The following DCN variants were observed in gnomAD, a reference collection of about 807,000 sequenced individuals.
DCN encodes the protein bone proteoglycan II.
In DCN, 17 loss-of-function variants were observed where a neutral mutation model predicts 36.5. The observed-to-expected ratio is 0.47, with a 90% CI of 0.32 to 0.70. The LOEUF (loss-of-function observed/expected upper bound fraction) is 0.70, where lower values mean the gene tolerates loss of function less well. DCN is among the 30% of genes least tolerant of loss of function. The pLI, the probability that DCN is intolerant of heterozygous loss-of-function variation, is 0.04. For synonymous variants in DCN, 163 were observed against 161.4 expected, an observed-to-expected ratio of 1.01 and a Z score of -0.07; for missense variants, 389 against 430.1, an observed-to-expected ratio of 0.90 and a Z score of 0.84.
intron 2 of DCN, among the ~76,000 whole-genome samples, chr12:91,171,220 T>G (rs1372525214): frequency 6.6e-6 from 1 of 152,186 alleles, no homozygotes; most frequent in East Asian, 1.9e-4. Context: ...TTAATTTAAT[T>G]ATAATTATTT....
intron 2 of DCN, 116 bp from the exon 3 acceptor site, chr12:91,164,833 C>A: frequency 3.0e-6 from 2 of 677,180 alleles, no homozygotes; most frequent in South Asian, 1.7e-5. Context: ...ACAGTAACAA[C>A]ATATTTTTCT....
In DCN at chr12:91,155,615, GATCTATCTATCTATCT is replaced by G. The variant is rs3990009; in HGVS notation, c.652+1444_652+1459del. Among the ~76,000 whole-genome samples the G allele has an allele frequency of 4.7e-5, 7 of 150,242 alleles. 1 individual carries two copies. The highest frequency in any genetic ancestry group is 4.2e-4 in the South Asian group (2 of 4,738). ...TAAATTTCAGCAAGAATTTTAATAA[GATCTATCTATCTATCT>G]ATCTATCTATCTATCTATCTATATC... On this transcript the variant is annotated intron_variant, in intron 5 of 7. Coordinates refer to ENST00000052754, the MANE Select transcript of DCN (RefSeq NM_001920.5).
At chr12:91,150,026 C>A (rs1881303468) in intron 7 of DCN, among the ~76,000 whole-genome samples, 1 of 151,912 alleles carries the variant, frequency 6.6e-6, no homozygotes, top group Non-Finnish European at 1.5e-5. Context: ...CAAAGCCTTA[C>A]AAGAATATTT....
In DCN at chr12:91,141,095, A is replaced by G. The variant is rs1880741310; in HGVS notation, c.*4963T>C. The G allele has an allele frequency of 6.6e-6, 1 of 152,178 alleles. No homozygotes were observed. Among genetic ancestry groups the G allele is most frequent in the African/African-American group, 2.4e-5 (1 of 41,430 alleles). 9.4% of individuals were successfully genotyped at this position (152,178 alleles called of 1,614,324 possible). On this transcript the variant is annotated 3_prime_UTR_variant, in exon 8 of 8. Transcript: ENST00000052754. ...GCCTATTCCTGTTACCTTACAGTCT[A>G]TACACGCAAAGGGATCCTCTCAAAG...
chr12:91,180,562 C>T (rs1298519173), intron 1 of DCN: 1 of 152,140 alleles, frequency 6.6e-6, no homozygotes, highest in Non-Finnish European at 1.5e-5. Flanking sequence ...GTGTCTAAGG[C>T]AGCACATGTT....
intron 7 of DCN, among the ~76,000 whole-genome samples, chr12:91,148,800 A>AGGCTTTGTTTTTGT (rs1299889603): frequency 6.6e-6 from 1 of 151,748 alleles, no homozygotes; most frequent in African/African-American, 2.4e-5. Context: ...GTGCTGGTGA[A>AGGCTTTGTTTTTGT]AACGGCTTTG....
intron 7 of DCN, among the ~76,000 whole-genome samples, chr12:91,150,374 T>C (rs930732013): frequency 6.6e-6 from 1 of 152,192 alleles, no homozygotes; most frequent in Non-Finnish European, 1.5e-5. Context: ...TAGACTCATA[T>C]CATATACTAG....
In DCN at chr12:91,146,083, G is replaced by A. The variant is rs1219814213; in HGVS notation, c.1055C>T (p.Ala352Val). 3.1e-6 allele frequency: 5 copies of A among 1,613,916 alleles called. No homozygotes were observed. The highest frequency in any genetic ancestry group is 4.2e-6 in the Non-Finnish European group (5 of 1,179,880). ...STFRCVYVRS[A>V]IQLGNYK ...TTACTTATAGTTTCCGAGTTGAATG[G>A]CAGAGCGCACGTAGACACATCTGAA... Residue 352 changes from alanine (A) to valine (V), a missense_variant, in exon 8 of 8, where the codon GCC becomes GTC. By Grantham distance (64) the Ala-to-Val change is moderately conservative. Coordinates refer to ENST00000052754, the MANE Select transcript of DCN (RefSeq NM_001920.5).
chr12:91,153,580 G>T (rs1881574646), intron 5 of DCN, among the ~76,000 whole-genome samples: 1 of 152,044 alleles, frequency 6.6e-6, no homozygotes, highest in Non-Finnish European at 1.5e-5. Context: ...CCATAATGAA[G>T]AGATTACGTA....
chr12:91,168,347 A>C (rs745722669), intron 2 of DCN, among the ~76,000 whole-genome samples: 4 of 152,148 alleles, frequency 2.6e-5, no homozygotes, highest in Non-Finnish European at 5.9e-5. Context: ...ATTCATGCTG[A>C]CCACCCCTGT....
intron 6 of DCN, among the ~76,000 whole-genome samples, chr12:91,152,869 A>T (rs371248985): frequency 5.9e-5 from 9 of 152,280 alleles, no homozygotes; most frequent in East Asian, 5.8e-4. Flanking sequence ...ACAGTATAGT[A>T]TTAATAAAAT....
chr12:91,151,704 T>G lies in DCN; in HGVS notation c.835A>C (p.Asn279His). 6.2e-7 allele frequency: 1 copy of G among 1,614,104 alleles called. No homozygotes were observed. The highest frequency in any genetic ancestry group is 8.5e-7 in the Non-Finnish European group (1 of 1,179,976). The change falls in exon 7 of 8, where the codon AAC becomes CAC. Residue 279 changes from asparagine (N) to histidine (H), a missense_variant. Asn to His is a moderately conservative substitution (Grantham distance 68, BLOSUM62 1). Coordinates refer to ENST00000052754, the MANE Select transcript of DCN (RefSeq NM_001920.5). ...CCACCAGGTACTCTGGTAAGCTTGT[T>G]GTTGTCCAAGTGAAGCTCCCTCAGA... ...PHLRELHLDN[N>H]KLTRVPGGLA...
intron 5 of DCN, among the ~76,000 whole-genome samples, chr12:91,155,545 A>G (rs1426872649): frequency 6.6e-6 from 1 of 152,190 alleles, no homozygotes; most frequent in Non-Finnish European, 1.5e-5. Flanking sequence ...GAGGGACAGC[A>G]AAGTCTGAGA....
At chr12:91,167,169 G>C (rs1474151579) in intron 2 of DCN, among the ~76,000 whole-genome samples, 2 of 151,876 alleles carry the variant, frequency 1.3e-5, no homozygotes, top group African/African-American at 2.4e-5. Context: ...TAATTGTTCT[G>C]ACATCAGACC....
At chr12:91,171,024 T>C (rs1053876633) in intron 2 of DCN, among the ~76,000 whole-genome samples, 2 of 152,188 alleles carry the variant, frequency 1.3e-5, no homozygotes, top group Non-Finnish European at 2.9e-5. Flanking sequence ...ATGAATTTTA[T>C]GGTTATTCAT....
In DCN at chr12:91,143,735, T is replaced by C. The variant is rs1210178951; in HGVS notation, c.*2323A>G. 6.6e-6 allele frequency: 1 copy of C among 151,366 alleles called. No homozygotes were observed. The highest frequency in any genetic ancestry group is 6.6e-5 in the Admixed American group (1 of 15,130). 9.4% of individuals were successfully genotyped at this position (151,366 alleles called of 1,614,324 possible). A position where few individuals can be genotyped will look rare whatever the true frequency, so the allele number is the denominator to read the frequency against. ...TTCCCTTAGTCATGCAAATAGTAAG[T>C]GTCGAAGCCAAAGAAATCAGCTATA... On this transcript the variant is annotated 3_prime_UTR_variant, in exon 8 of 8. Coordinates refer to ENST00000052754, the MANE Select transcript of DCN (RefSeq NM_001920.5).
chr12:91,148,721 CAAA>C (rs5799978), intron 7 of DCN, among the ~76,000 whole-genome samples: 29 of 49,470 alleles, frequency 5.9e-4, no homozygotes, highest in African/African-American at 9.2e-4. Context: ...CGCTCCGACT[CAAA>C]AAAAAAAAAA....
intron 3 of DCN, 49 bp from the exon 4 acceptor site, chr12:91,158,558 T>G (rs762793547): frequency 1.0e-6 from 1 of 966,258 alleles, no homozygotes; most frequent in Non-Finnish European, 1.7e-6. Flanking sequence ...ACCTTCCACA[T>G]ACATGTAAAA....
chr12:91,161,883 T>C (rs1470161437), intron 3 of DCN, among the ~76,000 whole-genome samples: 1 of 152,122 alleles, frequency 6.6e-6, no homozygotes, highest in African/African-American at 2.4e-5. Flanking sequence ...ACTCATATCA[T>C]ATTGTGCTTA....
Sources: gnomAD v4.1 joint callset for allele counts (sites outside exome capture counted in the v4.1 genomes callset) on GRCh38, gnomAD v4.1.1 for gene constraint, MANE v1.5 for transcripts, NCBI Gene and HGNC (gene_info 2026-07-23, HGNC 2026-07-21) for gene names.